MCEE: variants seen among roughly 807,000 people sequenced by gnomAD.
MCEE encodes the protein methylmalonyl-CoA epimerase, also known as methylmalonyl-CoA epimerase, mitochondrial.
Under a neutral mutation model 12.9 loss-of-function variants are expected in MCEE, and 6 were observed. That is an observed-to-expected ratio of 0.47 (90% confidence interval 0.26 to 0.92). MCEE has a LOEUF of 0.92. MCEE is among the 40% of genes least tolerant of loss of function. MCEE has a pLI of 0.16. For missense variants in MCEE, 214 were observed against 212.1 expected, an observed-to-expected ratio of 1.01 and a Z score of -0.05; for synonymous variants, 78 against 77.9, an observed-to-expected ratio of 1.00 and a Z score of -0.01.
Position 71,122,633 on chromosome 2 carries a change from T to C in MCEE, c.378+1573A>G, listed in dbSNP as rs1017852530. Among the ~76,000 whole-genome samples the C allele has an allele frequency of 4.6e-5, 7 of 152,284 alleles. No homozygotes were observed. In the East Asian group the frequency reaches 1.3e-3, roughly 29 times the overall value. ...TCCCCCTTATAAAACTGTCAGATCT[T>C]GTGAAACTTATTCACTATCACAAGA... is the stretch of plus-strand genomic sequence containing the variant. On this transcript the variant is annotated intron_variant, in intron 2 of 2. Coordinates refer to ENST00000244217, the MANE Select transcript of MCEE (RefSeq NM_032601.4).
chr2:71,124,239 G>GT lies in MCEE; in HGVS notation c.344dup (p.Asn115LysfsTer15). The GT allele has an allele frequency of 1.2e-6, 2 of 1,614,004 alleles. No individual in the cohort carries two copies. Among genetic ancestry groups the GT allele is most frequent in the Non-Finnish European group, 1.7e-6 (2 of 1,179,884 alleles). The stretch of plus-strand genomic sequence containing the variant: ...AGATGTGATGCATTCCTCCAGCCTT[G>GT]TTTTTCTGCAGAAAACCTGCAATTG... On this transcript the variant is annotated frameshift_variant, in exon 2 of 3. Transcript: ENST00000244217. LOFTEE classifies it high-confidence loss of function.
chr2:71,124,896 T>TTAA (rs1398809766), intron 1 of MCEE, among the ~76,000 whole-genome samples: 1 of 152,088 alleles, frequency 6.6e-6, no homozygotes, highest in Non-Finnish European at 1.5e-5. Flanking sequence ...CAACATATAT[T>TTAA]TAATAAGAGC....
chr2:71,125,211 A>ATTTTTTTTTTTTTTTTTT (rs1243506608), intron 1 of MCEE, among the ~76,000 whole-genome samples: 1 of 48,592 alleles, frequency 2.1e-5, no homozygotes, highest in Non-Finnish European at 4.4e-5. Context: ...ATATATATAT[A>ATTTTTTTTTTTTTTTTTT]TTTTTTTTTT....
chr2:71,125,859 A>G (rs1306659856), intron 1 of MCEE, among the ~76,000 whole-genome samples: 1 of 152,250 alleles, frequency 6.6e-6, no homozygotes, highest in Non-Finnish European at 1.5e-5. Context: ...TTAGAAACTT[A>G]GTAAGTTTCA....
At chr2:71,110,271 A>C (rs991394120) in intron 2 of MCEE, 149 bp from the exon 3 acceptor site, 16 of 726,936 alleles carry the variant, frequency 2.2e-5, no homozygotes, top group Non-Finnish European at 3.6e-5. Flanking sequence ...ATAAAAAATA[A>C]GCTTAAAATT....
chr2:71,113,259 T>C (rs909835222), intron 2 of MCEE, among the ~76,000 whole-genome samples: 6 of 152,184 alleles, frequency 3.9e-5, no homozygotes, highest in Admixed American at 6.5e-5. Flanking sequence ...TTCTATAATA[T>C]AGTTATATAC....
rs543107030 is a variant in MCEE, at chr2:71,117,086, T to C, written c.379-6964A>G. On this transcript the variant is annotated intron_variant, in intron 2 of 2. Transcript: ENST00000244217. ...ATTTTATATACAGTTGTAATGGTGC[T>C]GATATAATGAATGACTTCAATCCTC... Among the ~76,000 whole-genome samples, 3 of 150,798 alleles carry C rather than the reference T, an allele frequency of 2.0e-5. No individual in the cohort carries two copies. The East Asian group carries it at 5.8e-4, about 29-fold the overall frequency.
Position 71,124,396 on chromosome 2 carries a change from G to T in MCEE, c.188C>A (p.Ala63Glu), listed in dbSNP as rs1673172992. 1.9e-6 allele frequency: 3 copies of T among 1,614,010 alleles called. No homozygotes were observed. The Admixed American group carries it at 5.0e-5, about 27-fold the overall frequency. The change falls in exon 2 of 3, where the codon GCA becomes GAA. Residue 63 changes from alanine (A) to glutamate (E), a missense_variant. Physicochemically the swap from Ala to Glu is moderately radical, Grantham distance 107. Transcript: ENST00000244217. ...GGCCCCCAGAATATTCTTATAAAAT[G>T]CTGCAGCCTTTTCCAAATCTGGCAC... ...IAVPDLEKAA[A>E]FYKNILGAQV...
In MCEE at chr2:71,130,163, C is replaced by A; in HGVS notation, c.40+17G>T. On this transcript the variant is annotated intron_variant, in intron 1 of 2. Transcript: ENST00000244217. ...CTCCCTGTCCCATGGCGAAGGTCGC[C>A]GGTGCCCGGTATTCACCTACGGCAT... is the stretch of plus-strand genomic sequence containing the variant. 6.2e-7 allele frequency: 1 copy of A among 1,607,250 alleles called. No homozygotes were observed.
intron 2 of MCEE, among the ~76,000 whole-genome samples, chr2:71,112,428 C>T (rs905847766): frequency 1.8e-5 from 2 of 111,968 alleles, no homozygotes; most frequent in Non-Finnish European, 3.4e-5. Flanking sequence ...AGCCACTGCA[C>T]CTGCCTTTTT....
intron 1 of MCEE, among the ~76,000 whole-genome samples, chr2:71,126,569 A>T (rs1473375034): frequency 1.7e-4 from 1 of 5,790 alleles, no homozygotes; most frequent in Non-Finnish European, 4.4e-4. Context: ...ACATTTTACC[A>T]AAAAAAAAAA....
chr2:71,110,835 A>C (rs915360863), intron 2 of MCEE: 14 of 152,184 alleles, frequency 9.2e-5, no homozygotes, highest in Admixed American at 5.9e-4. Flanking sequence ...CTATCTTGGA[A>C]AGTCACCCAC....
At chr2:71,113,295 T>C (rs1414250613) in intron 2 of MCEE, among the ~76,000 whole-genome samples, 3 of 152,200 alleles carry the variant, frequency 2.0e-5, no homozygotes, top group Non-Finnish European at 4.4e-5. Context: ...TATGTGTATA[T>C]ATACAGTATA....
chr2:71,129,027 C>CCACA (rs147137564), intron 1 of MCEE, among the ~76,000 whole-genome samples: 9 of 148,088 alleles, frequency 6.1e-5, no homozygotes, highest in Admixed American at 2.0e-4. Flanking sequence ...GTATATTCAA[C>CCACA]CACACACACA....
At position 71,116,596 on chromosome 2, in the gene MCEE, G is replaced by C. The variant is rs571909252; in HGVS notation, c.379-6474C>G. On this transcript the variant is annotated intron_variant, in intron 2 of 2. Transcript: ENST00000244217. ...GGAGTCTCGCTCTGTTACCAGGCTA[G>C]AATGCAGTGGTGCGATCTCAGTTCA... is the stretch of plus-strand genomic sequence containing the variant. Among the ~76,000 whole-genome samples, 11 of 143,966 alleles carry C rather than the reference G, an allele frequency of 7.6e-5. 1 individual carries two copies. Among genetic ancestry groups the C allele is most frequent in the Admixed American group, 4.8e-4 (7 of 14,462 alleles). 94.4% of individuals were successfully genotyped at this position (143,966 alleles called of 152,430 possible). A position where few individuals can be genotyped will look rare whatever the true frequency, so the allele number is the denominator to read the frequency against.
rs79066758 is a variant in MCEE at position 71,111,245 on chromosome 2, T to C, written c.379-1123A>G. The stretch of plus-strand genomic sequence containing the variant: ...CAGCTCATTTCATGACATCTTGCAC[T>C]GTAGCTGGTTAATTCTCATCTTTTT... On this transcript the variant is annotated intron_variant, in intron 2 of 2. Coordinates refer to ENST00000244217, the MANE Select transcript of MCEE (RefSeq NM_032601.4). Among the ~76,000 whole-genome samples the C allele has an allele frequency of 7.5e-4, 114 of 152,332 alleles. 2 individuals are homozygous for C. The East Asian group carries it at 0.02, about 27-fold the overall frequency.
At chr2:71,110,627 T>C (rs951645798) in intron 2 of MCEE, 2 of 154,886 alleles carry the variant, frequency 1.3e-5, no homozygotes, top group African/African-American at 4.8e-5. Flanking sequence ...AACACCTGGT[T>C]ATTACCTTTG....
intron 1 of MCEE, among the ~76,000 whole-genome samples, chr2:71,127,923 G>C (rs943414911): frequency 6.6e-6 from 1 of 152,182 alleles, no homozygotes; most frequent in African/African-American, 2.4e-5. Context: ...ACCGCGCCTG[G>C]CCGAACATAA....
chr2:71,110,514 T>C (rs1672866177), intron 2 of MCEE, among the ~76,000 whole-genome samples: 1 of 152,150 alleles, frequency 6.6e-6, no homozygotes, highest in South Asian at 2.1e-4. Flanking sequence ...TGACTACAGA[T>C]TAAAATGAGG....
Sources: allele counts gnomAD v4.1 joint callset (sites outside exome capture counted in the v4.1 genomes callset), GRCh38; gene constraint gnomAD v4.1.1; transcripts MANE v1.5; gene names NCBI Gene and HGNC (gene_info 2026-07-23, HGNC 2026-07-21).